The following RBMS1 variants were observed in gnomAD, a reference collection of about 807,000 sequenced individuals.
RBMS1 encodes RNA binding motif single stranded interacting protein 1.
RBMS1 carries 17 observed loss-of-function variants against 62.3 expected under a neutral mutation model. The ratio of observed to expected loss-of-function variants is 0.27; its 90% CI spans 0.19 to 0.41. RBMS1 has a LOEUF of 0.41. Among genes scored for constraint, RBMS1 ranks in the 10% least tolerant of loss-of-function variants. The probability of loss-of-function intolerance (pLI) is 1.00; values close to 1 mark genes in which losing one functional copy is unlikely to be tolerated. For missense variants in RBMS1, 334 were observed against 504.5 expected, an observed-to-expected ratio of 0.66 and a Z score of 3.24; for synonymous variants, 172 against 170.0, an observed-to-expected ratio of 1.01 and a Z score of -0.09.
rs1224620309 is a variant in RBMS1, at chr2:160,386,617, G to GC, written c.76-19227dup. Among the ~76,000 whole-genome samples the GC allele has an allele frequency of 5.3e-5, 8 of 151,122 alleles. 1 individual carries two copies. Among genetic ancestry groups the GC allele is most frequent in the Admixed American group, 5.3e-4 (8 of 15,184 alleles). ...TGGAGCCCTCATGAATAGGATTACT[G>GC]CCCTTATAAAAACATACCCCAGAGA... On this transcript the variant is annotated intron_variant, in intron 1 of 13. Coordinates refer to ENST00000348849, the MANE Select transcript of RBMS1 (RefSeq NM_016836.4).
chr2:160,456,465 A>ATTG (rs1306824289), intron 1 of RBMS1, among the ~76,000 whole-genome samples: 2 of 152,182 alleles, frequency 1.3e-5, no homozygotes, highest in South Asian at 4.1e-4. Flanking sequence ...TACAGTATAG[A>ATTG]TTGTTACCTT....
chr2:160,300,816 G>T, intron 5 of RBMS1, 86 bp from the exon 6 acceptor site: 1 of 1,331,578 alleles, frequency 7.5e-7, no homozygotes, highest in Non-Finnish European at 9.8e-7. Flanking sequence ...CATTCTTATA[G>T]GTTTTTTGGA....
At chr2:160,411,746 G>T (rs1231541635) in intron 1 of RBMS1, among the ~76,000 whole-genome samples, 1 of 152,100 alleles carries the variant, frequency 6.6e-6, no homozygotes, top group Non-Finnish European at 1.5e-5. Flanking sequence ...TTTTTTTCCA[G>T]GTTTTATCAT....
At chr2:160,476,326 T>C (rs1270331096) in intron 1 of RBMS1, among the ~76,000 whole-genome samples, 1 of 152,144 alleles carries the variant, frequency 6.6e-6, no homozygotes, top group African/African-American at 2.4e-5. Flanking sequence ...AAGCTTGAGA[T>C]TGAGAATATT....
At chr2:160,284,564 C>T (rs959505823) in intron 9 of RBMS1, 4 of 547,462 alleles carry the variant, frequency 7.3e-6, no homozygotes, top group Non-Finnish European at 1.3e-5. Flanking sequence ...CAAGGACTGA[C>T]CACTGACAAA....
intron 1 of RBMS1, among the ~76,000 whole-genome samples, chr2:160,370,491 GTACTTTACA>G (rs1693666235): frequency 6.6e-6 from 1 of 152,168 alleles, no homozygotes; most frequent in Non-Finnish European, 1.5e-5. Context: ...ACTCTGCTGA[GTACTTTACA>G]TACATTACCA....
intron 4 of RBMS1, among the ~76,000 whole-genome samples, chr2:160,311,238 A>ATATATATATATATC (rs1553505449): frequency 8.4e-5 from 10 of 119,248 alleles, no homozygotes; most frequent in African/African-American, 2.9e-4. Flanking sequence ...CTATCTATAT[A>ATATATATATATATC]TATATATATA....
chr2:160,439,504 G>C (rs1402454237), intron 1 of RBMS1, among the ~76,000 whole-genome samples: 1 of 151,758 alleles, frequency 6.6e-6, no homozygotes, highest in Admixed American at 6.6e-5. Context: ...GATGGCGGCC[G>C]GGAGGAGGCG....
intron 1 of RBMS1, among the ~76,000 whole-genome samples, chr2:160,456,049 A>T (rs1031297334): frequency 3.3e-5 from 5 of 152,240 alleles, no homozygotes; most frequent in African/African-American, 1.2e-4. Flanking sequence ...AATCAGTGAA[A>T]GAAAAAGAAA....
At chr2:160,412,710 A>G (rs920230619) in intron 1 of RBMS1, among the ~76,000 whole-genome samples, 4 of 152,236 alleles carry the variant, frequency 2.6e-5, no homozygotes, top group Non-Finnish European at 4.4e-5. Context: ...AATATTGGAT[A>G]TAACATGGGC....
chr2:160,438,826 G>A (rs1683237379), intron 1 of RBMS1, among the ~76,000 whole-genome samples: 1 of 152,104 alleles, frequency 6.6e-6, no homozygotes. Flanking sequence ...TCACTTCCCA[G>A]TAGGCGCGGC....
chr2:160,488,066 T>C (rs1685670117), intron 1 of RBMS1, among the ~76,000 whole-genome samples: 1 of 152,242 alleles, frequency 6.6e-6, no homozygotes, highest in African/African-American at 2.4e-5. Context: ...ATTGACCTCA[T>C]ATCTACCAGA....
intron 4 of RBMS1, among the ~76,000 whole-genome samples, chr2:160,311,148 T>C (rs1200487214): frequency 6.7e-6 from 1 of 149,652 alleles, no homozygotes; most frequent in Non-Finnish European, 1.5e-5. Context: ...TAAGCCAAGA[T>C]TGTGCCACTG....
chr2:160,407,705 C>A, intron 1 of RBMS1: 1 of 981,714 alleles, frequency 1.0e-6, no homozygotes, highest in Non-Finnish European at 1.2e-6. Context: ...CGCTGACTTC[C>A]CCTCCGCCTT....
intron 1 of RBMS1, among the ~76,000 whole-genome samples, chr2:160,484,462 T>G (rs992089841): frequency 7.0e-5 from 10 of 142,418 alleles, no homozygotes; most frequent in African/African-American, 2.3e-4. Flanking sequence ...GCCACTGCAC[T>G]CCAGCCTGGG....
At chr2:160,437,734 G>A (rs1357882088) in intron 1 of RBMS1, among the ~76,000 whole-genome samples, 15 of 152,190 alleles carry the variant, frequency 9.9e-5, no homozygotes, top group Non-Finnish European at 2.9e-5. Flanking sequence ...AGATACAAAG[G>A]AATGGTCCAT....
At chr2:160,289,943 C>T (rs373385859) in intron 6 of RBMS1, among the ~76,000 whole-genome samples, 1 of 149,998 alleles carries the variant, frequency 6.7e-6, no homozygotes, top group African/African-American at 2.5e-5. Flanking sequence ...AAGGGCCTGA[C>T]TTATTGTAAT....
chr2:160,286,865 G>C, intron 7 of RBMS1, 104 bp downstream of exon 7: 3 of 1,562,036 alleles, frequency 1.9e-6, no homozygotes, highest in Non-Finnish European at 2.6e-6. Flanking sequence ...ACCTATTTCA[G>C]AAGTGTGCAG....
At chr2:160,428,133 T>C (rs994394837) in intron 1 of RBMS1, among the ~76,000 whole-genome samples, 2 of 152,052 alleles carry the variant, frequency 1.3e-5, no homozygotes, top group African/African-American at 4.8e-5. Flanking sequence ...TTATAACAAA[T>C]ACAGTGGCTT....
Sources: gnomAD v4.1 joint callset for allele counts (sites outside exome capture counted in the v4.1 genomes callset) on GRCh38, gnomAD v4.1.1 for gene constraint, MANE v1.5 for transcripts, NCBI Gene and HGNC (gene_info 2026-07-23, HGNC 2026-07-21) for gene names.